IYD: variants seen among roughly 807,000 people sequenced by gnomAD.
IYD encodes iodotyrosine deiodinase 1.
IYD carries 25 observed loss-of-function variants against 28.4 expected under a neutral mutation model. The observed-to-expected ratio is 0.88, with a 90% CI of 0.64 to 1.23. IYD has a LOEUF of 1.23. Ranked by LOEUF, IYD falls within the 50% of genes most tolerant of loss-of-function variation. The pLI is 0.00. For missense variants in IYD, 352 were observed against 357.9 expected, an observed-to-expected ratio of 0.98 and a Z score of 0.13; for synonymous variants, 140 against 130.8, an observed-to-expected ratio of 1.07 and a Z score of -0.48.
In IYD at chr6:150,404,171, A is replaced by T. The variant is rs886061183; in HGVS notation, c.*5934A>T. On this transcript the variant is annotated 3_prime_UTR_variant, in exon 5 of 5. Coordinates refer to ENST00000344419, the MANE Select transcript of IYD (RefSeq NM_203395.3). Reference sequence around the variant, plus strand: ...TGGGCATGAGTCCTTGACAATAGTAAATAGCACCTCTGTTCCCTTATTGGG... The same window carrying T: ...TGGGCATGAGTCCTTGACAATAGTATATAGCACCTCTGTTCCCTTATTGGG... 11 of 152,208 alleles carry T rather than the reference A, an allele frequency of 7.2e-5. No individual in the cohort carries two copies. Among genetic ancestry groups the T allele is most frequent in the Admixed American group, 1.3e-4 (2 of 15,280 alleles). The allele number at this position is 152,208 out of a possible 1,614,324, so 9.4% of individuals were successfully genotyped here. A position where few individuals can be genotyped will look rare whatever the true frequency, so the allele number is the denominator to read the frequency against.
intron 1 of IYD, among the ~76,000 whole-genome samples, chr6:150,375,281 G>C (rs1357689910): frequency 6.6e-6 from 1 of 152,154 alleles, no homozygotes; most frequent in Non-Finnish European, 1.5e-5. Context: ...GAGTTTTGGG[G>C]TGGGCCAAAG....
intron 4 of IYD, chr6:150,396,062 C>A (rs610171): frequency 0.91 from 204,191 of 224,274 alleles, 93,225 homozygotes; most frequent in African/African-American, 0.98. Flanking sequence ...AAGAGCTAGT[C>A]GTAGCTCTAT....
At chr6:150,377,255 C>A (rs953002107) in intron 1 of IYD, among the ~76,000 whole-genome samples, 27 of 152,174 alleles carry the variant, frequency 1.8e-4, no homozygotes, top group African/African-American at 6.5e-4. Flanking sequence ...CTTGAATAAT[C>A]CCTAGTGGCT....
At chr6:150,380,742 A>C (rs1777617629) in intron 1 of IYD, among the ~76,000 whole-genome samples, 1 of 123,128 alleles carries the variant, frequency 8.1e-6, no homozygotes. Flanking sequence ...TGTGGAAATC[A>C]ACCTTTGTTT....
rs975504616 is a variant in IYD at position 150,403,929 on chromosome 6, A to G, written c.*5692A>G. 1 of 148,634 alleles carries G rather than the reference A, an allele frequency of 6.7e-6. No individual in the cohort carries two copies. Among genetic ancestry groups the G allele is most frequent in the African/African-American group, 2.4e-5 (1 of 40,942 alleles). 9.2% of individuals were successfully genotyped at this position (148,634 alleles called of 1,614,324 possible). ...TTAGCTAACCTAGGTGGAGTCGCCAACTTCCTTCTACTCTAATAATTAAAA... is the reference window on the plus strand; with the variant it reads ...TTAGCTAACCTAGGTGGAGTCGCCAGCTTCCTTCTACTCTAATAATTAAAA... On this transcript the variant is annotated 3_prime_UTR_variant, in exon 5 of 5. Transcript: ENST00000344419.
intron 1 of IYD, among the ~76,000 whole-genome samples, chr6:150,388,893 G>T (rs1433778847): frequency 6.6e-6 from 1 of 151,818 alleles, no homozygotes; most frequent in African/African-American, 2.4e-5. Flanking sequence ...GTAAAGACGG[G>T]GTTTCACCAT....
intron 1 of IYD, among the ~76,000 whole-genome samples, chr6:150,382,609 A>G (rs1467188525): frequency 6.6e-6 from 1 of 151,986 alleles, no homozygotes; most frequent in East Asian, 1.9e-4. Context: ...TTCTCACTGT[A>G]TCCTCTGATG....
Position 150,392,485 on chromosome 6 carries a change from A to G in IYD, c.511A>G (p.Thr171Ala), listed in dbSNP as rs767438467. ...YMKRMGHRWV[T>A]DLKKLRTNWI... The stretch of plus-strand genomic sequence containing the variant: ...GAAAAGGATGGGACATCGCTGGGTC[A>G]CAGACCTCAAGAAACTGAGGTACAA... Residue 171 changes from threonine to alanine, a missense_variant, in exon 3 of 5, where the codon ACA (threonine) becomes GCA (alanine). Transcript: ENST00000344419. 58 of 1,613,874 alleles carry G rather than the reference A, an allele frequency of 3.6e-5. No homozygotes were observed. Among genetic ancestry groups the G allele is most frequent in the Non-Finnish European group, 4.9e-5 (58 of 1,179,956 alleles).
At chr6:150,386,309 A>G (rs1037705725) in intron 1 of IYD, among the ~76,000 whole-genome samples, 1 of 152,036 alleles carries the variant, frequency 6.6e-6, no homozygotes, top group African/African-American at 2.4e-5. Context: ...TCAATATGTA[A>G]TAATTTCATA....
chr6:150,381,895 T>C (rs1777658890), intron 1 of IYD, among the ~76,000 whole-genome samples: 1 of 152,234 alleles, frequency 6.6e-6, no homozygotes, highest in African/African-American at 2.4e-5. Flanking sequence ...GATGAACATT[T>C]GGTCTATTTC....
At chr6:150,396,005 G>A (rs571911415) in intron 4 of IYD, 2 of 317,376 alleles carry the variant, frequency 6.3e-6, no homozygotes, top group Admixed American at 4.5e-5. Context: ...CGTGGTGGTT[G>A]TTGTTTAGAA....
chr6:150,398,492 A>G lies in IYD; in HGVS notation c.*255A>G, dbSNP rs1778410068. 2.1e-6 allele frequency: 1 copy of G among 476,662 alleles called. No homozygotes were observed. The highest frequency in any genetic ancestry group is 3.7e-6 in the Non-Finnish European group (1 of 268,300). The allele number at this position is 476,662 out of a possible 1,614,324, so 29.5% of individuals were successfully genotyped here. On this transcript the variant is annotated 3_prime_UTR_variant, in exon 5 of 5. Transcript: ENST00000344419. ...GAACATGCCCGGGTTTTTACATTTT[A>G]AAAGTTATTCTAGACAATCACTATT...
intron 2 of IYD, 177 bp from the exon 3 acceptor site, chr6:150,392,168 A>G (rs1021850909): frequency 3.2e-6 from 1 of 308,576 alleles, no homozygotes; most frequent in Admixed American, 6.5e-5. Context: ...AGCTGGGACT[A>G]TAGGCACACA....
At chr6:150,376,106 C>T (rs1777435157) in intron 1 of IYD, among the ~76,000 whole-genome samples, 1 of 152,096 alleles carries the variant, frequency 6.6e-6, no homozygotes, top group Non-Finnish European at 1.5e-5. Flanking sequence ...ATTGTAGGGA[C>T]CAAGGGACTG....
chr6:150,383,793 T>C (rs1259432367), intron 1 of IYD, among the ~76,000 whole-genome samples: 1 of 57,254 alleles, frequency 1.7e-5, no homozygotes, highest in Non-Finnish European at 3.3e-5. Context: ...ACCAAGTCTC[T>C]AAAAAAAAAA....
intron 1 of IYD, among the ~76,000 whole-genome samples, chr6:150,372,516 T>G (rs1390885517): frequency 1.4e-3 from 6 of 4,220 alleles, no homozygotes; most frequent in Non-Finnish European, 2.2e-3. Flanking sequence ...GGGGGTGGGG[T>G]GGGGAGTGCT....
chr6:150,378,175 T>A (rs1265880575), intron 1 of IYD, among the ~76,000 whole-genome samples: 1 of 152,074 alleles, frequency 6.6e-6, no homozygotes, highest in Admixed American at 6.6e-5. Flanking sequence ...CTTTTTATTT[T>A]ATTTTATTTT....
intron 1 of IYD, among the ~76,000 whole-genome samples, chr6:150,378,385 T>C (rs936093874): frequency 1.3e-5 from 2 of 151,936 alleles, no homozygotes; most frequent in Non-Finnish European, 2.9e-5. Flanking sequence ...TGTGTCCATG[T>C]GTTCTCACTG....
In IYD at chr6:150,392,225, T is replaced by G. The variant is rs948955755; in HGVS notation, c.371-120T>G. The stretch of plus-strand genomic sequence containing the variant: ...AAAAAAAAAAATCTGCAAAATTTTG[T>G]TTGATCCTCCAGCTCCAGCCTCCCA... On this transcript the variant is annotated intron_variant, in intron 2 of 4. Coordinates refer to ENST00000344419, the MANE Select transcript of IYD (RefSeq NM_203395.3). The G allele has an allele frequency of 3.1e-5, 47 of 1,538,680 alleles. No individual in the cohort carries two copies. In the African/African-American group the frequency reaches 4.8e-4, roughly 16 times the overall value.
Sources: gnomAD v4.1 joint callset for allele counts (sites outside exome capture counted in the v4.1 genomes callset) on GRCh38, gnomAD v4.1.1 for gene constraint, MANE v1.5 for transcripts, NCBI Gene and HGNC (gene_info 2026-07-23, HGNC 2026-07-21) for gene names.